Variants in GLIPR1 observed in about 807,000 individuals in gnomAD.
GLIPR1 encodes glioma pathogenesis-related protein 1.
A neutral mutation model predicts 30.3 loss-of-function variants in GLIPR1; 38 were observed. The observed-to-expected ratio is 1.26, with a 90% confidence interval of 0.97 to 1.65. The LOEUF is 1.65. GLIPR1 is among the 40% of genes most tolerant of loss of function. GLIPR1 has a pLI of 0.00. For missense variants in GLIPR1, 285 were observed against 326.5 expected (o/e 0.87, Z 0.98); for synonymous variants, 122 against 110.6 (o/e 1.10, Z -0.65).
chr12:75,484,629 G>GT (rs35441917), intron 2 of GLIPR1: 1 of 152,176 alleles, frequency 6.6e-6, no homozygotes. Flanking sequence ...GGGTGGAGCT[G>GT]TTTTATAGGA....
intron 2 of GLIPR1, chr12:75,487,629 C>G (rs1413001200): frequency 5.4e-6 from 2 of 368,902 alleles, no homozygotes; most frequent in East Asian, 1.5e-4. Context: ...CCACACTCTG[C>G]CCATCATCTC....
chr12:75,498,523 C>A, intron 4 of GLIPR1, 171 bp from the exon 5 acceptor site: 4 of 528,662 alleles, frequency 7.6e-6, no homozygotes, highest in African/African-American at 3.9e-5. Context: ...TTAAAAATAC[C>A]AAGTTAATTC....
In GLIPR1 at chr12:75,499,370, G is replaced by T. The variant is rs182562901; in HGVS notation, c.*392G>T. On this transcript the variant is annotated 3_prime_UTR_variant, in exon 6 of 6. Transcript: ENST00000266659. ...ATATCTGGTTTTCCCTGTCTTTTTG[G>T]TTTACTACTTCCCCAGATTCAGAAC... 2.4e-3 allele frequency: 395 copies of T among 161,496 alleles called. 3 individuals carry two copies. Among genetic ancestry groups the T allele is most frequent in the African/African-American group, 8.8e-3 (368 of 41,812 alleles). 10.0% of individuals were successfully genotyped at this position (161,496 alleles called of 1,614,324 possible). A position where few individuals can be genotyped will look rare whatever the true frequency, so the allele number is the denominator to read the frequency against.
Position 75,495,653 on chromosome 12 carries a change from A to G in GLIPR1, c.610A>G (p.Asn204Asp). Reference sequence around the variant, plus strand: ...CCCCAATAATGACAAGTGTTTGGACAATCTCTGTGGTGAGTAAAAGGAACA... The same window carrying G: ...CCCCAATAATGACAAGTGTTTGGACGATCTCTGTGGTGAGTAAAAGGAACA... ...ACPNNDKCLD[N>D]LCVNRQRDQV... The change falls in exon 4 of 6, where the codon AAT becomes GAT. Residue 204 changes from asparagine to aspartate, a missense_variant. By Grantham distance (23) the Asn-to-Asp change is conservative (BLOSUM62 1). Coordinates refer to ENST00000266659, the MANE Select transcript of GLIPR1 (RefSeq NM_006851.3). 1 of 1,598,438 alleles carries G rather than the reference A, an allele frequency of 6.3e-7. No homozygotes were observed. The highest frequency in any genetic ancestry group is 1.3e-5 in the African/African-American group (1 of 74,718).
intron 3 of GLIPR1, chr12:75,493,277 G>A (rs1407936097): frequency 6.6e-6 from 1 of 152,164 alleles, no homozygotes; most frequent in Non-Finnish European, 1.5e-5. Flanking sequence ...GACCAGTTAG[G>A]AATGTCCTCA....
rs1251518165 is a variant in GLIPR1, at chr12:75,499,933, A to G, written c.*955A>G. 14 of 1,601,798 alleles carry G rather than the reference A, an allele frequency of 8.7e-6. No homozygotes were observed. Among genetic ancestry groups the G allele is most frequent in the Non-Finnish European group, 1.2e-5 (14 of 1,175,824 alleles). On this transcript the variant is annotated 3_prime_UTR_variant, in exon 6 of 6. Transcript: ENST00000266659. ...CTTTTCCTTGATGCTGGCCACATCAATTTTAGTTTCAGTAGAAGCTAGACA... is the reference window on the plus strand; with the variant it reads ...CTTTTCCTTGATGCTGGCCACATCAGTTTTAGTTTCAGTAGAAGCTAGACA...
In GLIPR1 at chr12:75,501,998, G is replaced by A. The variant is rs746830762; in HGVS notation, c.*3020G>A. The stretch of plus-strand genomic sequence containing the variant: ...ATTCACCACTAGCCAATTCTTTATC[G>A]ATCTGTTGAAAACGGTATTTACAAT... On this transcript the variant is annotated 3_prime_UTR_variant, in exon 6 of 6. Coordinates refer to ENST00000266659, the MANE Select transcript of GLIPR1 (RefSeq NM_006851.3). 3.7e-6 allele frequency: 6 copies of A among 1,609,536 alleles called. No individual in the cohort carries two copies. Among genetic ancestry groups the A allele is most frequent in the Middle Eastern group, 1.9e-4 (1 of 5,160 alleles).
At position 75,482,032 on chromosome 12, in the gene GLIPR1, G is replaced by A. The variant is rs755749135; in HGVS notation, c.373G>A (p.Asp125Asn). The A allele has an allele frequency of 1.8e-5, 29 of 1,613,808 alleles. No individual in the cohort carries two copies. Among genetic ancestry groups the A allele is most frequent in the Non-Finnish European group, 2.4e-5 (28 of 1,179,864 alleles). ...CTGGTATGACGAAATCCAGGACTAT[G>A]ACTTCAAGACTCGGATATGCAAAAA... ...TNWYDEIQDY[D>N]FKTRICKKVC... Residue 125 changes from aspartate (D) to asparagine (N), a missense_variant, in exon 2 of 6, where the codon GAC becomes AAC. Coordinates refer to ENST00000266659, the MANE Select transcript of GLIPR1 (RefSeq NM_006851.3).
intron 2 of GLIPR1, among the ~76,000 whole-genome samples, chr12:75,482,302 T>C (rs2046275013): frequency 6.6e-6 from 1 of 152,204 alleles, no homozygotes; most frequent in Non-Finnish European, 1.5e-5. Flanking sequence ...GGACAGGCTT[T>C]GAACAATTCC....
chr12:75,495,677 C>A lies in GLIPR1; in HGVS notation c.619+15C>A. 2 of 1,340,838 alleles carry A rather than the reference C, an allele frequency of 1.5e-6. No homozygotes were observed. The highest frequency in any genetic ancestry group is 1.1e-6 in the Non-Finnish European group (1 of 932,694). 83.1% of individuals were successfully genotyped at this position (1,340,838 alleles called of 1,614,324 possible). A position where few individuals can be genotyped will look rare whatever the true frequency, so the allele number is the denominator to read the frequency against. On this transcript the variant is annotated intron_variant, in intron 4 of 5. Coordinates refer to ENST00000266659, the MANE Select transcript of GLIPR1 (RefSeq NM_006851.3). ...CAATCTCTGTGGTGAGTAAAAGGAA[C>A]AATACACCAATAGAATAACATAATA... is the stretch of plus-strand genomic sequence containing the variant.
At position 75,490,220 on chromosome 12, in the gene GLIPR1, CA is replaced by C. The variant is rs1333406459; in HGVS notation, c.421-185del. ...TCACACACACACACACACACACACA[CA>C]CACACACACACACCCCAATAATGGT... On this transcript the variant is annotated intron_variant, in intron 2 of 5. Transcript: ENST00000266659. Among the ~76,000 whole-genome samples, 183 of 151,570 alleles carry C rather than the reference CA, an allele frequency of 1.2e-3. 1 individual carries two copies. Among genetic ancestry groups the C allele is most frequent in the African/African-American group, 4.1e-3 (169 of 41,254 alleles).
intron 3 of GLIPR1, chr12:75,492,786 T>C (rs1290092485): frequency 6.6e-6 from 1 of 152,228 alleles, no homozygotes; most frequent in Non-Finnish European, 1.5e-5. Flanking sequence ...TCTGTCTTTA[T>C]GAGAGTAATA....
rs1261691842 is a variant in GLIPR1 at position 75,499,511 on chromosome 12, G to A, written c.*533G>A. 3 of 184,794 alleles carry A rather than the reference G, an allele frequency of 1.6e-5. No homozygotes were observed. The highest frequency in any genetic ancestry group is 7.1e-5 in the African/African-American group (3 of 42,486). 11.4% of individuals were successfully genotyped at this position (184,794 alleles called of 1,614,324 possible). Reference sequence around the variant, plus strand: ...CCTAAATATTTACTTGTTATCATTAGAGAGGGAACATCAAATGCTGGGACA... The same window carrying A: ...CCTAAATATTTACTTGTTATCATTAAAGAGGGAACATCAAATGCTGGGACA... On this transcript the variant is annotated 3_prime_UTR_variant, in exon 6 of 6. Transcript: ENST00000266659.
At position 75,500,342 on chromosome 12, in the gene GLIPR1, A is replaced by ATTAAAATAATT. The variant is rs1323829634; in HGVS notation, c.*1366_*1376dup. ...TGAGTCATTATTTTCCATCTTGCACATTAAAATAATTTAAAATTACATGTA... is the reference window on the plus strand; with the variant it reads ...TGAGTCATTATTTTCCATCTTGCACATTAAAATAATTTTAAAATAATTTAAAATTACATGTA... On this transcript the variant is annotated 3_prime_UTR_variant, in exon 6 of 6. Coordinates refer to ENST00000266659, the MANE Select transcript of GLIPR1 (RefSeq NM_006851.3). 6.5e-6 allele frequency: 1 copy of ATTAAAATAATT among 152,874 alleles called. No individual in the cohort carries two copies. The highest frequency in any genetic ancestry group is 2.4e-5 in the African/African-American group (1 of 41,440). 9.5% of individuals were successfully genotyped at this position (152,874 alleles called of 1,614,324 possible). A position where few individuals can be genotyped will look rare whatever the true frequency, so the allele number is the denominator to read the frequency against.
chr12:75,502,003 G>A lies in GLIPR1; in HGVS notation c.*3025G>A. On this transcript the variant is annotated 3_prime_UTR_variant, in exon 6 of 6. Transcript: ENST00000266659. ...CCACTAGCCAATTCTTTATCGATCT[G>A]TTGAAAACGGTATTTACAATTACAT... is the stretch of plus-strand genomic sequence containing the variant. 1 of 1,607,714 alleles carries A rather than the reference G, an allele frequency of 6.2e-7. No homozygotes were observed. Among genetic ancestry groups the A allele is most frequent in the Non-Finnish European group, 8.5e-7 (1 of 1,176,002 alleles).
intron 4 of GLIPR1, chr12:75,496,593 G>C (rs191499291): frequency 6.6e-6 from 1 of 152,034 alleles, no homozygotes; most frequent in South Asian, 2.1e-4. Flanking sequence ...TGGTGTGAAG[G>C]GGAAACTTCA....
At chr12:75,496,772 T>C (rs1459434810) in intron 4 of GLIPR1, 1 of 152,340 alleles carries the variant, frequency 6.6e-6, no homozygotes, top group East Asian at 1.9e-4. Flanking sequence ...TCATGTTTTA[T>C]AAGGTCCCTT....
Position 75,499,008 on chromosome 12 carries a change from C to A in GLIPR1, c.*30C>A. The A allele has an allele frequency of 6.7e-7, 1 of 1,490,612 alleles. No individual in the cohort carries two copies. The highest frequency in any genetic ancestry group is 9.0e-7 in the Non-Finnish European group (1 of 1,115,498). The allele number at this position is 1,490,612 out of a possible 1,614,324, so 92.3% of individuals were successfully genotyped here. A position where few individuals can be genotyped will look rare whatever the true frequency, so the allele number is the denominator to read the frequency against. On this transcript the variant is annotated 3_prime_UTR_variant, in exon 6 of 6. Transcript: ENST00000266659. ...ATTCAGGAAAGAAAAAACCCAAAAACCAACCTCATTCACATATGGCTTTTT... is the reference window on the plus strand; with the variant it reads ...ATTCAGGAAAGAAAAAACCCAAAAAACAACCTCATTCACATATGGCTTTTT...
chr12:75,498,486 T>C (rs922448922), intron 4 of GLIPR1: 1 of 507,148 alleles, frequency 2.0e-6, no homozygotes, highest in African/African-American at 2.0e-5. Context: ...TTATAAAAGG[T>C]TTATAAAGTT....
Sources: allele counts gnomAD v4.1 joint callset (sites outside exome capture counted in the v4.1 genomes callset), GRCh38; gene constraint gnomAD v4.1.1; transcripts MANE v1.5; gene names NCBI Gene and HGNC (gene_info 2026-07-23, HGNC 2026-07-21).